Variants in RIT2 observed in about 807,000 individuals in gnomAD.
RIT2 encodes Ras like without CAAX 2, also known as GTP-binding protein Rit2.
Under a neutral mutation model 23.7 loss-of-function variants are expected in RIT2, and 24 were observed. That is an observed-to-expected ratio of 1.01 (90% CI 0.73 to 1.43). The LOEUF (loss-of-function observed/expected upper bound fraction) is 1.43. Among genes scored for constraint, RIT2 ranks in the 40% most tolerant of loss-of-function variants. RIT2 has a pLI of 0.00. For missense variants in RIT2, 236 were observed against 266.9 expected, an observed-to-expected ratio of 0.88 and a Z score of 0.81; for synonymous variants, 107 against 91.1, an observed-to-expected ratio of 1.17 and a Z score of -0.99.
At chr18:42,880,869 A>G (rs1233481170) in intron 4 of RIT2, among the ~76,000 whole-genome samples, 1 of 141,044 alleles carries the variant, frequency 7.1e-6, no homozygotes. Flanking sequence ...GTGCAATGGC[A>G]TGATCTCGGC....
At chr18:42,914,889 A>T (rs1908864630) in intron 4 of RIT2, among the ~76,000 whole-genome samples, 1 of 152,050 alleles carries the variant, frequency 6.6e-6, no homozygotes, top group Non-Finnish European at 1.5e-5. Context: ...AGAAGGATGC[A>T]CAGGGTTTTT....
chr18:43,000,358 C>T (rs145015986), intron 2 of RIT2, among the ~76,000 whole-genome samples: 58 of 152,004 alleles, frequency 3.8e-4, no homozygotes, highest in African/African-American at 1.3e-3. Context: ...ATGATGTAAC[C>T]GCTATCCCAA....
intron 4 of RIT2, among the ~76,000 whole-genome samples, chr18:42,777,181 C>A (rs539398117): frequency 4.0e-5 from 6 of 149,584 alleles, no homozygotes; most frequent in African/African-American, 7.4e-5. Context: ...CAGGAGAAAT[C>A]AAAAATTCTG....
chr18:43,045,095 A>T (rs1428125764), intron 1 of RIT2, among the ~76,000 whole-genome samples: 3 of 152,218 alleles, frequency 2.0e-5, no homozygotes, highest in African/African-American at 7.2e-5. Flanking sequence ...CATTTAGGAT[A>T]AACCTCATCT....
intron 4 of RIT2, among the ~76,000 whole-genome samples, chr18:42,784,390 T>C (rs888289705): frequency 3.3e-5 from 5 of 152,064 alleles, no homozygotes; most frequent in Non-Finnish European, 7.4e-5. Flanking sequence ...TGTGCTGCTA[T>C]TTTCTTTTAG....
At chr18:42,806,250 C>T (rs1423436831) in intron 4 of RIT2, among the ~76,000 whole-genome samples, 1 of 151,722 alleles carries the variant, frequency 6.6e-6, no homozygotes, top group Non-Finnish European at 1.5e-5. Context: ...AGGAGGAACA[C>T]TTGAGGTCAA....
At chr18:42,949,117 G>C in intron 3 of RIT2, 1 of 397,040 alleles carries the variant, frequency 2.5e-6, no homozygotes, top group Non-Finnish European at 4.4e-6. Context: ...TAGATGCCCT[G>C]CCACATAGAC....
At chr18:42,973,614 C>A (rs182090090) in intron 3 of RIT2, among the ~76,000 whole-genome samples, 1 of 151,760 alleles carries the variant, frequency 6.6e-6, no homozygotes, top group East Asian at 1.9e-4. Flanking sequence ...TTCTTCTTCC[C>A]TACAGGTTTG....
chr18:42,917,550 G>A (rs1269376145), intron 4 of RIT2, among the ~76,000 whole-genome samples: 1 of 152,072 alleles, frequency 6.6e-6, no homozygotes, highest in Non-Finnish European at 1.5e-5. Flanking sequence ...ATGACTGAAA[G>A]AGCCTCCAAA....
Position 42,893,459 on chromosome 18 carries a change from T to C in RIT2, c.426+30113A>G, listed in dbSNP as rs535302126. Among the ~76,000 whole-genome samples, 10 of 152,196 alleles carry C rather than the reference T, an allele frequency of 6.6e-5. No homozygotes were observed. In the East Asian group the frequency reaches 1.7e-3, roughly 27 times the overall value. ...AGGCAGAAGGGGTGAACAGCTCCCTTAAACCTCTTTTATAAGGGCACTCAT... is the reference window on the plus strand; with the variant it reads ...AGGCAGAAGGGGTGAACAGCTCCCTCAAACCTCTTTTATAAGGGCACTCAT... On this transcript the variant is annotated intron_variant, in intron 4 of 4. Coordinates refer to ENST00000326695, the MANE Select transcript of RIT2 (RefSeq NM_002930.4).
intron 1 of RIT2, among the ~76,000 whole-genome samples, chr18:43,109,521 C>T (rs1037426178): frequency 6.6e-6 from 1 of 152,158 alleles, no homozygotes; most frequent in Non-Finnish European, 1.5e-5. Flanking sequence ...TCTCCCCATA[C>T]TTTTCTTCTT....
At chr18:42,760,114 T>C (rs973241804) in intron 4 of RIT2, among the ~76,000 whole-genome samples, 1 of 152,170 alleles carries the variant, frequency 6.6e-6, no homozygotes, top group Non-Finnish European at 1.5e-5. Flanking sequence ...GTGTCTTTGA[T>C]AATAGAATAT....
At chr18:43,108,611 T>C (rs957195291) in intron 1 of RIT2, among the ~76,000 whole-genome samples, 2 of 152,214 alleles carry the variant, frequency 1.3e-5, no homozygotes, top group Non-Finnish European at 2.9e-5. Context: ...TGTAGAGCTG[T>C]AGAAACTCTC....
chr18:42,904,324 G>T (rs1908555180), intron 4 of RIT2, among the ~76,000 whole-genome samples: 1 of 152,096 alleles, frequency 6.6e-6, no homozygotes, highest in African/African-American at 2.4e-5. Flanking sequence ...GATACACTAT[G>T]GGTAGCAATG....
At chr18:43,088,821 T>A (rs556754797) in intron 1 of RIT2, among the ~76,000 whole-genome samples, 1 of 152,100 alleles carries the variant, frequency 6.6e-6, no homozygotes, top group Non-Finnish European at 1.5e-5. Flanking sequence ...CTATGTTCAA[T>A]GTTCTCCTTT....
chr18:42,777,131 T>A (rs1913690607), intron 4 of RIT2, among the ~76,000 whole-genome samples: 1 of 152,052 alleles, frequency 6.6e-6, no homozygotes, highest in Non-Finnish European at 1.5e-5. Context: ...GTGAATAATG[T>A]GCTATTTACT....
intron 2 of RIT2, among the ~76,000 whole-genome samples, chr18:42,988,563 C>T (rs1017616147): frequency 6.6e-6 from 1 of 152,190 alleles, no homozygotes; most frequent in South Asian, 2.1e-4. Context: ...CCCCAAGTTC[C>T]ACCTCTCTGC....
intron 4 of RIT2, among the ~76,000 whole-genome samples, chr18:42,880,747 T>A (rs184749636): frequency 2.0e-5 from 3 of 151,834 alleles, no homozygotes; most frequent in Admixed American, 6.6e-5. Context: ...TGTTTCGGAA[T>A]GGTGATTTTA....
intron 3 of RIT2, among the ~76,000 whole-genome samples, chr18:42,973,801 A>T (rs1910416628): frequency 6.6e-6 from 1 of 151,948 alleles, no homozygotes; most frequent in African/African-American, 2.4e-5. Context: ...GTTTTGTGCA[A>T]ACCTGAGGAA....
Sources: allele counts gnomAD v4.1 joint callset (sites outside exome capture counted in the v4.1 genomes callset), GRCh38; gene constraint gnomAD v4.1.1; transcripts MANE v1.5; gene names NCBI Gene and HGNC (gene_info 2026-07-23, HGNC 2026-07-21).